Variants in HEATR5B observed in about 807,000 individuals in gnomAD.
HEATR5B encodes the protein HEAT repeat-containing protein 5B.
A neutral mutation model predicts 224.1 loss-of-function variants in HEATR5B; 156 were observed. The observed-to-expected ratio is 0.70, with a 90% CI of 0.61 to 0.80. HEATR5B has a LOEUF of 0.80. Ranked by LOEUF, HEATR5B falls within the 30% of genes least tolerant of loss-of-function variation. The probability of loss-of-function intolerance (pLI) is 0.00; values close to 1 mark genes in which losing one functional copy is unlikely to be tolerated. For missense variants in HEATR5B, 2,323 were observed against 2,535.5 expected, an observed-to-expected ratio of 0.92 and a Z score of 1.80; for synonymous variants, 1,027 against 893.0, an observed-to-expected ratio of 1.15 and a Z score of -2.68.
Position 37,003,679 on chromosome 2 carries a change from C to G in HEATR5B, c.4913G>C (p.Gly1638Ala), listed in dbSNP as rs759996321. ...GTGCAAAACACTCAGCAACTCAACACCTATCAGCTAATACAAATAAATACA... is the reference window on the plus strand; with the variant it reads ...GTGCAAAACACTCAGCAACTCAACAGCTATCAGCTAATACAAATAAATACA... ...RVHIAEDQLI[G>A]VELLSVLHRL... Residue 1638 changes from glycine (G) to alanine (A), a missense_variant, in exon 31 of 36, where the codon GGT becomes GCT. Gly to Ala is a moderately conservative substitution (Grantham distance 60). Coordinates refer to ENST00000233099, the MANE Select transcript of HEATR5B (RefSeq NM_019024.3). 3.8e-6 allele frequency: 6 copies of G among 1,599,226 alleles called. No individual in the cohort carries two copies. The South Asian group carries it at 6.8e-5, about 18-fold the overall frequency.
intron 28 of HEATR5B, 148 bp downstream of exon 28, chr2:37,008,463 C>T: frequency 4.7e-6 from 3 of 643,582 alleles, no homozygotes; most frequent in Non-Finnish European, 5.5e-6. Context: ...ATATAGAGTA[C>T]ATATTCTAAC....
intron 35 of HEATR5B, among the ~76,000 whole-genome samples, chr2:36,985,821 T>C (rs1199046435): frequency 1.3e-5 from 2 of 152,052 alleles, no homozygotes; most frequent in Non-Finnish European, 2.9e-5. Context: ...GTCTGGTTGA[T>C]AGTTGAAATT....
chr2:37,060,451 A>T, intron 12 of HEATR5B, 130 bp downstream of exon 12: 3 of 737,002 alleles, frequency 4.1e-6, no homozygotes, highest in Non-Finnish European at 6.1e-6. Flanking sequence ...GTTTCTATTT[A>T]AATCTAAAAG....
At chr2:37,050,159 C>T (rs913978760) in intron 17 of HEATR5B, among the ~76,000 whole-genome samples, 1 of 152,150 alleles carries the variant, frequency 6.6e-6, no homozygotes, top group South Asian at 2.1e-4. Context: ...TCCTAACATG[C>T]TGGGATTACA....
intron 33 of HEATR5B, among the ~76,000 whole-genome samples, chr2:36,994,477 G>C (rs1389977856): frequency 6.6e-6 from 1 of 152,074 alleles, no homozygotes; most frequent in Non-Finnish European, 1.5e-5. Context: ...ATAAAACTTT[G>C]CTTGTTAAGC....
chr2:37,083,550 ACT>A lies in HEATR5B; in HGVS notation c.-22-116_-22-115del. The A allele has an allele frequency of 3.9e-6, 3 of 772,708 alleles. No homozygotes were observed. In the South Asian group the frequency reaches 5.6e-5, roughly 15 times the overall value. The allele number at this position is 772,708 out of a possible 1,614,324, so 47.9% of individuals were successfully genotyped here. On this transcript the variant is annotated intron_variant, in intron 1 of 35. Coordinates refer to ENST00000233099, the MANE Select transcript of HEATR5B (RefSeq NM_019024.3). ...GACTACTCATTTCATTTGGGGAAAA[ACT>A]CAACTTCTTTGAGGCAAAACCTGAG...
chr2:37,021,886 CAAA>C (rs3080799), intron 24 of HEATR5B, among the ~76,000 whole-genome samples: 42 of 126,466 alleles, frequency 3.3e-4, no homozygotes, highest in Admixed American at 4.1e-4. Context: ...GACCCTGTTT[CAAA>C]AAAAAAAAAA....
intron 31 of HEATR5B, among the ~76,000 whole-genome samples, 169 bp downstream of exon 31, chr2:37,003,373 C>A (rs72873849): frequency 0.16 from 24,368 of 150,942 alleles, 2,159 homozygotes; most frequent in African/African-American, 0.21. Context: ...GAGTTACAGA[C>A]TACACTGAAC....
intron 33 of HEATR5B, among the ~76,000 whole-genome samples, chr2:36,995,812 T>C (rs1428903190): frequency 6.6e-6 from 1 of 152,198 alleles, no homozygotes; most frequent in Non-Finnish European, 1.5e-5. Flanking sequence ...ATCACACATT[T>C]TCATTGTTGT....
At chr2:37,025,507 T>C (rs1257228542) in intron 24 of HEATR5B, among the ~76,000 whole-genome samples, 4 of 142,824 alleles carry the variant, frequency 2.8e-5, no homozygotes, top group African/African-American at 5.2e-5. Flanking sequence ...ATGAAAAGAA[T>C]CCTGGCTGCT....
chr2:37,022,408 A>C (rs1351713961), intron 24 of HEATR5B, among the ~76,000 whole-genome samples: 2 of 152,056 alleles, frequency 1.3e-5, no homozygotes, highest in Non-Finnish European at 2.9e-5. Context: ...CAAACTCCTG[A>C]CCTTGTGATT....
intron 33 of HEATR5B, among the ~76,000 whole-genome samples, chr2:36,995,930 G>A (rs768833381): frequency 6.6e-6 from 1 of 152,128 alleles, no homozygotes; most frequent in Non-Finnish European, 1.5e-5. Context: ...TTTTTGCCCA[G>A]GCTGGAGTGC....
chr2:37,044,532 C>T (rs1670069913), intron 18 of HEATR5B, among the ~76,000 whole-genome samples: 1 of 152,142 alleles, frequency 6.6e-6, no homozygotes, highest in African/African-American at 2.4e-5. Context: ...GGATACTTTC[C>T]AGTTTTTGGC....
chr2:36,994,187 AC>A (rs978995973), intron 33 of HEATR5B, among the ~76,000 whole-genome samples: 1 of 152,178 alleles, frequency 6.6e-6, no homozygotes, highest in Non-Finnish European at 1.5e-5. Flanking sequence ...AAAGTAATAA[AC>A]CAGGTGTGGC....
At chr2:37,051,775 T>C (rs1352995578) in intron 17 of HEATR5B, among the ~76,000 whole-genome samples, 2 of 152,136 alleles carry the variant, frequency 1.3e-5, no homozygotes, top group Non-Finnish European at 2.9e-5. Flanking sequence ...AGTCTTGCTC[T>C]GTCCCCCAGG....
chr2:36,995,267 T>A (rs1666620511), intron 33 of HEATR5B, among the ~76,000 whole-genome samples: 1 of 151,976 alleles, frequency 6.6e-6, no homozygotes, highest in Non-Finnish European at 1.5e-5. Context: ...ATTTTGTTAT[T>A]TTTAGTAGAG....
At chr2:37,083,812 T>C (rs1212627850) in intron 1 of HEATR5B, among the ~76,000 whole-genome samples, 1 of 152,178 alleles carries the variant, frequency 6.6e-6, no homozygotes. Flanking sequence ...CCTCTTTTTC[T>C]CGTCCAGGGT....
chr2:37,039,171 G>GA lies in HEATR5B; in HGVS notation c.3047-1148dup, dbSNP rs772913828. Among the ~76,000 whole-genome samples the GA allele has an allele frequency of 6.6e-3, 816 of 123,218 alleles. 4 individuals are homozygous for GA. The highest frequency in any genetic ancestry group is 0.019 in the African/African-American group (660 of 33,984). 80.8% of individuals were successfully genotyped at this position (123,218 alleles called of 152,430 possible). On this transcript the variant is annotated intron_variant, in intron 20 of 35. Transcript: ENST00000233099. The stretch of plus-strand genomic sequence containing the variant: ...GTGAGACCCCCATCTCTTAAAAAGA[G>GA]AAAAAAAAAAAAAGGCCGGGTGTGG...
chr2:37,075,623 T>A lies in HEATR5B; in HGVS notation c.459A>T (p.Arg153=), dbSNP rs1672180384. The A allele has an allele frequency of 1.2e-6, 2 of 1,612,654 alleles. No individual in the cohort carries two copies. Among genetic ancestry groups the A allele is most frequent in the African/African-American group, 1.3e-5 (1 of 74,868 alleles). Residue 153 remains arginine (R), a synonymous_variant, in exon 5 of 36, where the codon CGA becomes CGT. Coordinates refer to ENST00000233099, the MANE Select transcript of HEATR5B (RefSeq NM_019024.3). The part of the protein sequence containing the change: ...KSLKSAESQG[R]SEILMSLQKV... ...TCTGTAGACTCATTAAGATTTCACTTCGCCCTTGAGACTAGACATGTATAC... is the reference window on the plus strand; with the variant it reads ...TCTGTAGACTCATTAAGATTTCACTACGCCCTTGAGACTAGACATGTATAC...
Sources: allele counts gnomAD v4.1 joint callset (sites outside exome capture counted in the v4.1 genomes callset), GRCh38; gene constraint gnomAD v4.1.1; transcripts MANE v1.5; gene names NCBI Gene and HGNC (gene_info 2026-07-23, HGNC 2026-07-21).